The following HDAC9 variants were observed in gnomAD, a reference collection of about 807,000 sequenced individuals.
HDAC9 encodes MEF-2 interacting transcription repressor (MITR) protein.
In HDAC9, 41 loss-of-function variants were observed where a neutral mutation model predicts 139.4. That is an observed-to-expected ratio of 0.29 (90% confidence interval 0.23 to 0.38). The LOEUF is 0.38. Among genes scored for constraint, HDAC9 ranks in the 10% least tolerant of loss-of-function variants. The pLI is 1.00. For missense variants in HDAC9, 1,147 were observed against 1,297.0 expected, an observed-to-expected ratio of 0.88 and a Z score of 1.78; for synonymous variants, 517 against 476.2, an observed-to-expected ratio of 1.09 and a Z score of -1.12.
chr7:18,271,765 G>A (rs1796372466), intron 2 of HDAC9, among the ~76,000 whole-genome samples: 1 of 152,154 alleles, frequency 6.6e-6, no homozygotes, highest in Non-Finnish European at 1.5e-5. Flanking sequence ...AATACAGGAT[G>A]GAGAACCCTC....
chr7:18,648,436 A>G (rs1788137565), intron 10 of HDAC9, 30 bp from the exon 11 acceptor site: 9 of 1,406,028 alleles, frequency 6.4e-6, no homozygotes, highest in African/African-American at 1.4e-5. Context: ...GTGTGTGTAT[A>G]CACACATATA....
chr7:18,297,428 G>T (rs992940043), intron 1 of HDAC9, among the ~76,000 whole-genome samples: 1 of 152,068 alleles, frequency 6.6e-6, no homozygotes. Context: ...CCATGTGTCT[G>T]CATTTCTCAG....
chr7:18,731,258 A>T (rs79535756), intron 13 of HDAC9, among the ~76,000 whole-genome samples: 8,619 of 151,874 alleles, frequency 0.057, 490 homozygotes, highest in East Asian at 0.14. Flanking sequence ...TTTTTTTTTT[A>T]AAATAAACTC....
intron 13 of HDAC9, among the ~76,000 whole-genome samples, chr7:18,729,859 C>A (rs929215985): frequency 1.3e-5 from 2 of 152,116 alleles, no homozygotes; most frequent in African/African-American, 4.8e-5. Context: ...ACTTAATAGG[C>A]ATTCAATAAA....
intron 13 of HDAC9, among the ~76,000 whole-genome samples, chr7:18,735,674 C>G (rs190057663): frequency 6.6e-6 from 1 of 152,166 alleles, no homozygotes; most frequent in African/African-American, 2.4e-5. Context: ...AGCATCATGC[C>G]TCCAGGTTTG....
intron 2 of HDAC9, among the ~76,000 whole-genome samples, chr7:18,260,312 T>G (rs1795570165): frequency 1.8e-5 from 1 of 56,492 alleles, no homozygotes; most frequent in African/African-American, 3.8e-5. Flanking sequence ...CTTTTTTTTG[T>G]TTTTTTTTTT....
intron 21 of HDAC9, among the ~76,000 whole-genome samples, chr7:18,839,663 T>C (rs1405361456): frequency 6.6e-6 from 1 of 152,074 alleles, no homozygotes; most frequent in East Asian, 1.9e-4. Flanking sequence ...AAAACTATGC[T>C]CTACAAAGAA....
chr7:18,912,082 G>A (rs1175195644), intron 22 of HDAC9, among the ~76,000 whole-genome samples: 1 of 151,972 alleles, frequency 6.6e-6, no homozygotes, highest in Non-Finnish European at 1.5e-5. Context: ...TAAGAGTGGG[G>A]TATTGAAGTC....
chr7:18,779,428 T>C (rs1033509496), intron 16 of HDAC9, among the ~76,000 whole-genome samples: 1 of 152,042 alleles, frequency 6.6e-6, no homozygotes, highest in African/African-American at 2.4e-5. Flanking sequence ...AGAATCATGA[T>C]TCTCATTATT....
At chr7:18,435,885 A>ATG (rs1562984901) in intron 1 of HDAC9, among the ~76,000 whole-genome samples, 1 of 148,880 alleles carries the variant, frequency 6.7e-6, no homozygotes, top group African/African-American at 2.4e-5. Flanking sequence ...CAATATATAT[A>ATG]TGTGTATATA....
intron 2 of HDAC9, among the ~76,000 whole-genome samples, chr7:18,175,768 A>AACCCC (rs1788844101): frequency 8.9e-6 from 1 of 112,726 alleles, no homozygotes; most frequent in Non-Finnish European, 1.8e-5. Flanking sequence ...ATTATTTTTA[A>AACCCC]CCCCCCCCCC....
chr7:18,305,162 C>A (rs1198134033), intron 1 of HDAC9, among the ~76,000 whole-genome samples: 4 of 152,108 alleles, frequency 2.6e-5, no homozygotes, highest in African/African-American at 9.7e-5. Flanking sequence ...TCCTCCATAG[C>A]CCACTTTTTA....
intron 1 of HDAC9, among the ~76,000 whole-genome samples, chr7:18,383,340 AT>A (rs1785608690): frequency 6.6e-6 from 1 of 152,156 alleles, no homozygotes; most frequent in Non-Finnish European, 1.5e-5. Flanking sequence ...ATGTTGTCAC[AT>A]TTCCCTGCTG....
At chr7:18,127,940 TTAG>T (rs1784773605) in intron 1 of HDAC9, among the ~76,000 whole-genome samples, 1 of 152,142 alleles carries the variant, frequency 6.6e-6, no homozygotes, top group South Asian at 2.1e-4. Context: ...TTTCAAAGAA[TTAG>T]TAGATGATTG....
rs559450640 is a variant in HDAC9, at chr7:18,426,744, G to A, written c.-41-69518G>A. Among the ~76,000 whole-genome samples, 2 of 152,220 alleles carry A rather than the reference G, an allele frequency of 1.3e-5. 1 individual carries two copies. The highest frequency in any genetic ancestry group is 4.8e-5 in the African/African-American group (2 of 41,540). ...CTGCAAATGATTGCCTTTATTGAAA[G>A]GTTTGTGTTATTCAAGATGACTTGT... On this transcript the variant is annotated intron_variant, in intron 1 of 3. Transcript: ENST00000413509.
intron 1 of HDAC9, among the ~76,000 whole-genome samples, chr7:18,148,917 G>T (rs1786545908): frequency 6.6e-6 from 1 of 152,112 alleles, no homozygotes; most frequent in African/African-American, 2.4e-5. Flanking sequence ...AAGGTTCTGG[G>T]GATATGGTCA....
rs558364903 is a variant in HDAC9 at position 18,263,248 on chromosome 7, AT to A, written c.25+100907del. 1.3e-3 allele frequency among the ~76,000 whole-genome samples: 205 copies of A among 152,220 alleles called. 1 individual carries two copies. Among genetic ancestry groups the A allele is most frequent in the African/African-American group, 4.5e-3 (186 of 41,534 alleles). ...GTATGTTGTGTGTCAGACCCAATAG[AT>A]TTTTTTTAAATAATAAAACCGCATT... On this transcript the variant is annotated intron_variant, in intron 2 of 12. Transcript: ENST00000417496.
chr7:18,884,660 C>G (rs1235563384), intron 22 of HDAC9, among the ~76,000 whole-genome samples: 1 of 152,150 alleles, frequency 6.6e-6, no homozygotes, highest in Non-Finnish European at 1.5e-5. Flanking sequence ...AGTGAACATC[C>G]TTTTACAAGT....
At chr7:18,131,790 C>A (rs1308009705) in intron 1 of HDAC9, among the ~76,000 whole-genome samples, 1 of 152,076 alleles carries the variant, frequency 6.6e-6, no homozygotes, top group Non-Finnish European at 1.5e-5. Context: ...TCATGGAGAG[C>A]AGATCTAGTC....
Sources: gnomAD v4.1 joint callset for allele counts (sites outside exome capture counted in the v4.1 genomes callset) on GRCh38, gnomAD v4.1.1 for gene constraint, MANE v1.5 for transcripts, NCBI Gene and HGNC (gene_info 2026-07-23, HGNC 2026-07-21) for gene names.